The following SFMBT2 variants were observed in gnomAD, a reference collection of about 807,000 sequenced individuals.
SFMBT2 encodes scm-like with four MBT domains protein 2.
Under a neutral mutation model 110.1 loss-of-function variants are expected in SFMBT2, and 38 were observed. That is an observed-to-expected ratio of 0.35 (90% CI 0.27 to 0.45). The LOEUF (loss-of-function observed/expected upper bound fraction) is 0.45, where lower values mean the gene tolerates loss of function less well. SFMBT2 is among the 20% of genes least tolerant of loss of function. The pLI is 1.00. For synonymous variants in SFMBT2, 425 were observed against 425.4 expected, an observed-to-expected ratio of 1.00 and a Z score of 0.01; for missense variants, 1,011 against 1,094.9, an observed-to-expected ratio of 0.92 and a Z score of 1.08.
At chr10:7,377,990 T>G (rs966323966) in intron 2 of SFMBT2, among the ~76,000 whole-genome samples, 258 of 83,540 alleles carry the variant, frequency 3.1e-3, no homozygotes, top group South Asian at 4.3e-3. Flanking sequence ...GGGGGGGAGG[T>G]GGGTGTGAAT....
intron 12 of SFMBT2, chr10:7,202,916 A>G: frequency 1.0e-6 from 1 of 985,452 alleles, no homozygotes. Flanking sequence ...TTACTATCAC[A>G]GCACACTCCC....
chr10:7,331,104 A>G (rs976406391), intron 4 of SFMBT2, among the ~76,000 whole-genome samples: 2 of 152,210 alleles, frequency 1.3e-5, no homozygotes, highest in East Asian at 3.8e-4. Flanking sequence ...CTTCTTTGGT[A>G]CTTGTATTCT....
intron 7 of SFMBT2, among the ~76,000 whole-genome samples, chr10:7,271,694 C>T (rs990311386): frequency 6.6e-6 from 1 of 152,192 alleles, no homozygotes; most frequent in Non-Finnish European, 1.5e-5. Context: ...GTACCCGAGA[C>T]TGGGCAATTT....
chr10:7,191,320 C>G (rs1025201781), intron 15 of SFMBT2, among the ~76,000 whole-genome samples: 1 of 152,212 alleles, frequency 6.6e-6, no homozygotes, highest in African/African-American at 2.4e-5. Context: ...TATCCAGATG[C>G]CTGGTGAGAG....
At chr10:7,290,739 A>G (rs1842238151) in intron 4 of SFMBT2, among the ~76,000 whole-genome samples, 7 of 152,002 alleles carry the variant, frequency 4.6e-5, no homozygotes, top group Admixed American at 4.6e-4. Context: ...TGGGAGGCTG[A>G]GGCAGGAGAA....
chr10:7,249,312 G>A (rs1232670726), intron 7 of SFMBT2, among the ~76,000 whole-genome samples: 1 of 152,186 alleles, frequency 6.6e-6, no homozygotes, highest in Admixed American at 6.5e-5. Context: ...GCAACCTTAT[G>A]TGAGAGAGAT....
chr10:7,233,667 GT>G (rs1243421327), intron 9 of SFMBT2, among the ~76,000 whole-genome samples: 2 of 152,192 alleles, frequency 1.3e-5, no homozygotes, highest in African/African-American at 4.8e-5. Flanking sequence ...TTCTGAGAAA[GT>G]TTCACAACTC....
intron 11 of SFMBT2, among the ~76,000 whole-genome samples, chr10:7,218,502 G>C (rs1468800146): frequency 2.6e-5 from 4 of 152,172 alleles, no homozygotes; most frequent in Admixed American, 2.6e-4. Flanking sequence ...CAACAGATAA[G>C]ACTCAACAGA....
chr10:7,395,675 G>A (rs1329918005), intron 1 of SFMBT2, among the ~76,000 whole-genome samples: 1 of 132,448 alleles, frequency 7.6e-6, no homozygotes, highest in Non-Finnish European at 1.6e-5. Context: ...CTTCCATTGA[G>A]TTTTACATTT....
intron 4 of SFMBT2, among the ~76,000 whole-genome samples, chr10:7,344,110 G>C (rs1404746225): frequency 6.6e-6 from 1 of 152,134 alleles, no homozygotes; most frequent in Non-Finnish European, 1.5e-5. Context: ...TGTCCTATTT[G>C]TGCATGCACA....
At chr10:7,365,482 C>T (rs1200120774) in intron 4 of SFMBT2, among the ~76,000 whole-genome samples, 2 of 152,214 alleles carry the variant, frequency 1.3e-5, no homozygotes, top group African/African-American at 2.4e-5. Context: ...CTGGTGTACA[C>T]AGACGAGTGG....
intron 9 of SFMBT2, among the ~76,000 whole-genome samples, chr10:7,238,705 C>T (rs75176021): frequency 0.063 from 9,647 of 152,288 alleles, 415 homozygotes; most frequent in Non-Finnish European, 0.088. Flanking sequence ...CCTTTGCTCA[C>T]ACCTTTTACA....
At chr10:7,406,293 T>A (rs1453435769) in intron 1 of SFMBT2, among the ~76,000 whole-genome samples, 2 of 152,056 alleles carry the variant, frequency 1.3e-5, no homozygotes, top group Admixed American at 6.5e-5. Flanking sequence ...CTGACAAAAA[T>A]TTTTAGGCAT....
intron 4 of SFMBT2, among the ~76,000 whole-genome samples, chr10:7,312,787 T>C (rs1487453694): frequency 1.3e-5 from 2 of 152,196 alleles, no homozygotes; most frequent in Non-Finnish European, 2.9e-5. Context: ...AGTTATTTTT[T>C]CCCTTTAGTT....
intron 5 of SFMBT2, chr10:7,284,428 C>A: frequency 1.7e-6 from 2 of 1,156,688 alleles, no homozygotes; most frequent in Non-Finnish European, 1.1e-6. Flanking sequence ...AACAAATCAC[C>A]CTTCCCAGAT....
chr10:7,239,130 A>G (rs1250578649), intron 9 of SFMBT2, among the ~76,000 whole-genome samples: 1 of 152,186 alleles, frequency 6.6e-6, no homozygotes, highest in Non-Finnish European at 1.5e-5. Flanking sequence ...TTATTTGCAT[A>G]TATTTCTCCT....
intron 1 of SFMBT2, among the ~76,000 whole-genome samples, chr10:7,400,433 G>A (rs892924144): frequency 2.6e-5 from 4 of 152,184 alleles, no homozygotes; most frequent in Non-Finnish European, 5.9e-5. Flanking sequence ...TTCCAGGGTT[G>A]GCTATCTTTC....
intron 7 of SFMBT2, among the ~76,000 whole-genome samples, chr10:7,266,090 T>C (rs1841380664): frequency 6.6e-6 from 1 of 151,356 alleles, no homozygotes; most frequent in Admixed American, 6.6e-5. Flanking sequence ...CGGTTTTCTT[T>C]CCTTTTTTTT....
In SFMBT2 at chr10:7,349,418, T is replaced by G. The variant is rs138103055; in HGVS notation, c.436+18231A>C. ...TTTGGATCCTCTCACTTTCAAGCCC[T>G]GACTCTTTTTTCTTTTCTTTTCTTT... On this transcript the variant is annotated intron_variant, in intron 4 of 20. Coordinates refer to ENST00000397167, the MANE Select transcript of SFMBT2 (RefSeq NM_001387889.1). Among the ~76,000 whole-genome samples, 402 of 146,298 alleles carry G rather than the reference T, an allele frequency of 2.7e-3. 12 individuals are homozygous for G. The East Asian group carries it at 0.06, about 22-fold the overall frequency.
Sources: allele counts gnomAD v4.1 joint callset (sites outside exome capture counted in the v4.1 genomes callset), GRCh38; gene constraint gnomAD v4.1.1; transcripts MANE v1.5; gene names NCBI Gene and HGNC (gene_info 2026-07-23, HGNC 2026-07-21).